Variants in ATP9A observed in about 807,000 individuals in gnomAD.
ATP9A encodes probable phospholipid-transporting ATPase IIA.
ATP9A carries 52 observed loss-of-function variants against 144.1 expected under a neutral mutation model. That is an observed-to-expected ratio of 0.36 (90% confidence interval 0.29 to 0.45). The LOEUF (loss-of-function observed/expected upper bound fraction) is 0.45. ATP9A is among the 20% of genes least tolerant of loss of function. The pLI is 1.00. For synonymous variants in ATP9A, 582 were observed against 557.4 expected, an observed-to-expected ratio of 1.04 and a Z score of -0.62; for missense variants, 947 against 1,392.7, an observed-to-expected ratio of 0.68 and a Z score of 5.09.
chr20:51,610,349 C>A (rs1187672785), intron 23 of ATP9A, among the ~76,000 whole-genome samples, 184 bp from the exon 24 acceptor site: 4 of 152,178 alleles, frequency 2.6e-5, no homozygotes, highest in Non-Finnish European at 4.4e-5. Flanking sequence ...AGGTACGATT[C>A]TCATCATCCT....
At chr20:51,626,661 A>T (rs1282867218) in intron 17 of ATP9A, among the ~76,000 whole-genome samples, 2 of 151,798 alleles carry the variant, frequency 1.3e-5, no homozygotes, top group Non-Finnish European at 2.9e-5. Context: ...ATGTGCAAAA[A>T]AAAAAAGAGA....
intron 3 of ATP9A, among the ~76,000 whole-genome samples, chr20:51,723,257 T>A (rs2077697316): frequency 6.6e-6 from 1 of 151,196 alleles, no homozygotes; most frequent in South Asian, 2.1e-4. Flanking sequence ...GGGAAAAGAG[T>A]GGGGAGGGAG....
intron 8 of ATP9A, among the ~76,000 whole-genome samples, chr20:51,690,022 G>A (rs569582217): frequency 1.3e-4 from 18 of 140,644 alleles, no homozygotes; most frequent in African/African-American, 4.5e-4. Flanking sequence ...TAAGACAGGA[G>A]AATCACTTGA....
chr20:51,609,088 C>G (rs2077175203), intron 24 of ATP9A, among the ~76,000 whole-genome samples: 1 of 152,052 alleles, frequency 6.6e-6, no homozygotes, highest in African/African-American at 2.4e-5. Context: ...TGCAAAGGCA[C>G]TGAGGCGGGA....
At chr20:51,749,880 G>A (rs118166711) in intron 1 of ATP9A, among the ~76,000 whole-genome samples, 3,328 of 152,124 alleles carry the variant, frequency 0.022, 49 homozygotes, top group East Asian at 0.062. Flanking sequence ...GGGTGCAGTG[G>A]CTCATCCTGT....
chr20:51,744,596 G>C (rs569555038), intron 1 of ATP9A, among the ~76,000 whole-genome samples: 1 of 152,348 alleles, frequency 6.6e-6, no homozygotes, highest in Middle Eastern at 3.4e-3. Context: ...AAATGCAAAA[G>C]CAAATATTAG....
intron 11 of ATP9A, among the ~76,000 whole-genome samples, chr20:51,673,333 C>G (rs2426375): frequency 0.22 from 34,177 of 152,030 alleles, 3,914 homozygotes; most frequent in South Asian, 0.37. Context: ...GAGATCGCAC[C>G]ACTGCACTCC....
Position 51,604,816 on chromosome 20 carries a change from C to T in ATP9A, c.3007+1G>A, listed in dbSNP as rs1162566555. ...GGGGTTTAAGCATTCAGGGGTCTTACCGATGAACTCGTGTAAGAACACCAG... is the reference window on the plus strand; with the variant it reads ...GGGGTTTAAGCATTCAGGGGTCTTATCGATGAACTCGTGTAAGAACACCAG... On this transcript the variant is annotated splice_donor_variant, in intron 27 of 27. Transcript: ENST00000338821. LOFTEE classifies it high-confidence loss of function. 1 of 1,494,522 alleles carries T rather than the reference C, an allele frequency of 6.7e-7. No homozygotes were observed. Among genetic ancestry groups the T allele is most frequent in the Non-Finnish European group, 9.0e-7 (1 of 1,115,982 alleles). 92.6% of individuals were successfully genotyped at this position (1,494,522 alleles called of 1,614,324 possible).
chr20:51,754,584 T>C (rs1236216068), intron 1 of ATP9A, among the ~76,000 whole-genome samples: 1 of 150,172 alleles, frequency 6.7e-6, no homozygotes, highest in Non-Finnish European at 1.5e-5. Context: ...AGGCCAAAAG[T>C]GGACAAATCA....
intron 14 of ATP9A, among the ~76,000 whole-genome samples, chr20:51,644,424 C>A (rs1366564804): frequency 6.6e-6 from 1 of 151,284 alleles, no homozygotes. Flanking sequence ...CCACCACACC[C>A]GGCTAATTTT....
chr20:51,605,018 TC>T lies in ATP9A; in HGVS notation c.2805del (p.Ser936AlafsTer26). The T allele has an allele frequency of 6.2e-7, 1 of 1,604,036 alleles. No individual in the cohort carries two copies. The highest frequency in any genetic ancestry group is 2.3e-5 in the East Asian group (1 of 44,202). ...LIWVLISIYQGSTIMYGALLL... is the reference protein window; with the variant it reads ...LIWVLISIYQXSTIMYGALLL... ...AGCAGCGCCCCGTACATGATGGTGCTCCCTGCAAACACCAGAGAAGGGTATT... is the reference window on the plus strand; with the variant it reads ...AGCAGCGCCCCGTACATGATGGTGCTCCTGCAAACACCAGAGAAGGGTATT... On this transcript the variant is annotated frameshift_variant and splice_region_variant, in exon 27 of 28. Coordinates refer to ENST00000338821, the MANE Select transcript of ATP9A (RefSeq NM_006045.3). LOFTEE classifies it high-confidence loss of function.
intron 14 of ATP9A, among the ~76,000 whole-genome samples, chr20:51,646,106 G>T (rs1342294436): frequency 6.6e-6 from 1 of 152,220 alleles, no homozygotes; most frequent in Non-Finnish European, 1.5e-5. Flanking sequence ...TGGGTGACAA[G>T]AAACCAAAGG....
intron 4 of ATP9A, among the ~76,000 whole-genome samples, chr20:51,709,343 C>T (rs1028227805): frequency 2.0e-5 from 3 of 152,000 alleles, no homozygotes; most frequent in Non-Finnish European, 4.4e-5. Context: ...GGTGAAACCC[C>T]GTCTCTACTA....
At chr20:51,610,862 C>T (rs2077182461) in intron 23 of ATP9A, among the ~76,000 whole-genome samples, 1 of 152,148 alleles carries the variant, frequency 6.6e-6, no homozygotes, top group African/African-American at 2.4e-5. Flanking sequence ...AGCATGGTGA[C>T]AGATTATTTT....
At chr20:51,701,930 G>A (rs1170568996) in intron 4 of ATP9A, among the ~76,000 whole-genome samples, 1 of 152,164 alleles carries the variant, frequency 6.6e-6, no homozygotes, top group Non-Finnish European at 1.5e-5. Flanking sequence ...GGAGGCCGAG[G>A]CGGGTGGATT....
chr20:51,606,928 G>T (rs2122707250), intron 26 of ATP9A, among the ~76,000 whole-genome samples: 1 of 150,364 alleles, frequency 6.7e-6, no homozygotes, highest in South Asian at 2.1e-4. Flanking sequence ...TATTTTATAA[G>T]TATATAAAAT....
At chr20:51,699,379 AATAAT>A (rs1437421999) in intron 4 of ATP9A, among the ~76,000 whole-genome samples, 1 of 151,832 alleles carries the variant, frequency 6.6e-6, no homozygotes, top group African/African-American at 2.4e-5. Flanking sequence ...AAAGACACGA[AATAAT>A]ATAAGTGCAC....
chr20:51,714,948 AT>A (rs975771480), intron 3 of ATP9A, among the ~76,000 whole-genome samples: 71 of 152,146 alleles, frequency 4.7e-4, no homozygotes, highest in African/African-American at 1.7e-3. Flanking sequence ...TCCAATCTAG[AT>A]TTTTTTCCTC....
At chr20:51,650,559 T>A (rs116825457) in intron 14 of ATP9A, among the ~76,000 whole-genome samples, 3,314 of 150,916 alleles carry the variant, frequency 0.022, 125 homozygotes, top group African/African-American at 0.074. Context: ...AAATAAAAAA[T>A]ATATATATAT....
Sources: gnomAD v4.1 joint callset for allele counts (sites outside exome capture counted in the v4.1 genomes callset) on GRCh38, gnomAD v4.1.1 for gene constraint, MANE v1.5 for transcripts, NCBI Gene and HGNC (gene_info 2026-07-23, HGNC 2026-07-21) for gene names.